The following HABP2 variants were observed in gnomAD, a reference collection of about 807,000 sequenced individuals.
HABP2 encodes factor VII-activating protease.
Under a neutral mutation model 66.5 loss-of-function variants are expected in HABP2, and 65 were observed. The observed-to-expected ratio is 0.98, with a 90% CI of 0.80 to 1.20. The LOEUF (loss-of-function observed/expected upper bound fraction) is 1.20. Ranked by LOEUF, HABP2 falls within the 50% of genes most tolerant of loss-of-function variation. HABP2 has a pLI of 0.00. For synonymous variants in HABP2, 263 were observed against 253.9 expected (o/e 1.04, Z -0.34); for missense variants, 786 against 691.0 (o/e 1.14, Z -1.54).
chr10:113,586,093 T>G (rs1592702700), intron 12 of HABP2, among the ~76,000 whole-genome samples, 155 bp downstream of exon 12: 1 of 152,216 alleles, frequency 6.6e-6, no homozygotes. Context: ...CCTGGCCCTC[T>G]GGTGCATCTG....
chr10:113,580,284 G>C (rs1467617943), intron 7 of HABP2, among the ~76,000 whole-genome samples: 11 of 152,154 alleles, frequency 7.2e-5, no homozygotes, highest in African/African-American at 2.7e-4. Context: ...TTACTCTCCT[G>C]ATATAGAAAG....
Position 113,578,137 on chromosome 10 carries a change from G to T in HABP2, c.560G>T (p.Cys187Phe). Residue 187 changes from cysteine to phenylalanine, a missense_variant, in exon 6 of 13, where the codon TGT (cysteine) becomes TTT (phenylalanine). By Grantham distance (205) the Cys-to-Phe change is radical. Coordinates refer to ENST00000351270, the MANE Select transcript of HABP2 (RefSeq NM_004132.5). The stretch of plus-strand genomic sequence containing the variant: ...CCCGACCAGTTCAAGGGGAAATTCT[G>T]TGAAATAGGTATGGGTCTCTGCCAC... The part of the protein sequence containing the change: ...ACPDQFKGKF[C>F]EIGSDDCYVG... The T allele has an allele frequency of 1.2e-6, 2 of 1,614,166 alleles. No homozygotes were observed. The highest frequency in any genetic ancestry group is 2.2e-5 in the East Asian group (1 of 44,884).
At chr10:113,583,789 A>G (rs533536676) in intron 10 of HABP2, among the ~76,000 whole-genome samples, 94 of 152,318 alleles carry the variant, frequency 6.2e-4, no homozygotes, top group Non-Finnish European at 3.8e-4. Flanking sequence ...TGCAAATGCA[A>G]TGACGTTCCT....
rs1381067373 is a variant in HABP2 at position 113,588,453 on chromosome 10, G to A, written c.*84G>A. The A allele has an allele frequency of 9.8e-6, 10 of 1,018,408 alleles. No individual in the cohort carries two copies. The highest frequency in any genetic ancestry group is 1.6e-5 in the African/African-American group (1 of 62,414). 63.1% of individuals were successfully genotyped at this position (1,018,408 alleles called of 1,614,324 possible). On this transcript the variant is annotated 3_prime_UTR_variant, in exon 13 of 13. Transcript: ENST00000351270. ...TCATGGCCAACAATGGACACCTCCA[G>A]AGCCTCCAGGGGACCACACAGTAGA...
At chr10:113,567,378 A>G in intron 1 of HABP2, 111 bp from the exon 2 acceptor site, 2 of 800,546 alleles carry the variant, frequency 2.5e-6, no homozygotes, top group Non-Finnish European at 4.4e-6. Flanking sequence ...AACCATCAGA[A>G]AGCACGCAGT....
Position 113,581,928 on chromosome 10 carries a change from G to A in HABP2, c.891G>A (p.Gly297=). 1 of 1,614,152 alleles carries A rather than the reference G, an allele frequency of 6.2e-7. No homozygotes were observed. Among genetic ancestry groups the A allele is most frequent in the Non-Finnish European group, 8.5e-7 (1 of 1,179,950 alleles). Residue 297 remains glycine (G), a synonymous_variant, in exon 9 of 13, where the codon GGG becomes GGA. Coordinates refer to ENST00000351270, the MANE Select transcript of HABP2 (RefSeq NM_004132.5). ...SPTEPSTKLP[G]FDSCGKTEIA... The stretch of plus-strand genomic sequence containing the variant: ...CTGAGCCATCAACCAAGCTTCCGGG[G>A]TTTGACTCCTGTGGAAAGACTGAGA...
At chr10:113,563,130 A>T (rs539138837) in intron 1 of HABP2, among the ~76,000 whole-genome samples, 149 of 152,348 alleles carry the variant, frequency 9.8e-4, no homozygotes, top group African/African-American at 3.5e-3. Flanking sequence ...TGTCAGCTCT[A>T]AAGGAATGTG....
intron 6 of HABP2, 82 bp downstream of exon 6, chr10:113,578,227 T>C: frequency 1.3e-6 from 2 of 1,486,376 alleles, no homozygotes; most frequent in African/African-American, 1.4e-5. Flanking sequence ...CAGAATGTGG[T>C]TCAAATCAAG....
At chr10:113,557,597 C>T (rs7076012) in intron 1 of HABP2, among the ~76,000 whole-genome samples, 19 of 152,272 alleles carry the variant, frequency 1.2e-4, no homozygotes, top group East Asian at 7.8e-4. Flanking sequence ...AAATGGTTGG[C>T]GGGGAGGGGG....
intron 5 of HABP2, 45 bp downstream of exon 5, chr10:113,577,311 T>C (rs1845430114): frequency 2.0e-6 from 2 of 997,344 alleles, no homozygotes; most frequent in Non-Finnish European, 3.2e-6. Flanking sequence ...CTGTGCCCTA[T>C]CTTGTACCTG....
chr10:113,588,067 C>A (rs1045812261), intron 12 of HABP2, 138 bp from the exon 13 acceptor site: 2 of 594,836 alleles, frequency 3.4e-6, no homozygotes, highest in Middle Eastern at 4.5e-4. Flanking sequence ...AGAGCCTTGT[C>A]ACTGCTTTCC....
At chr10:113,585,259 T>C (rs1190839473) in intron 11 of HABP2, among the ~76,000 whole-genome samples, 2 of 152,354 alleles carry the variant, frequency 1.3e-5, no homozygotes, top group East Asian at 3.9e-4. Context: ...GTTGGGAATC[T>C]TTTGGAGCCT....
chr10:113,575,845 G>T (rs569671419), intron 3 of HABP2, 52 bp from the exon 4 acceptor site: 3 of 992,518 alleles, frequency 3.0e-6, no homozygotes, highest in African/African-American at 1.6e-5. Flanking sequence ...GGAGGGGGGC[G>T]CTTCTCACCT....
chr10:113,582,847 A>G (rs1327066308), intron 9 of HABP2, among the ~76,000 whole-genome samples: 1 of 152,218 alleles, frequency 6.6e-6, no homozygotes, highest in Non-Finnish European at 1.5e-5. Context: ...TTCACCTTAT[A>G]GTAAATGATT....
chr10:113,564,713 A>G (rs1329381140), intron 1 of HABP2, among the ~76,000 whole-genome samples: 1 of 152,244 alleles, frequency 6.6e-6, no homozygotes, highest in Non-Finnish European at 1.5e-5. Context: ...ATCCAGATAG[A>G]TGCCACAATT....
chr10:113,552,847 G>A (rs2240880), upstream of HABP2, among the ~76,000 whole-genome samples: 18,489 of 152,214 alleles, frequency 0.12, 1,492 homozygotes, highest in Middle Eastern at 0.27. Context: ...GCACCGTGGA[G>A]CCAGGGGGCT....
chr10:113,574,459 G>A (rs978762380), intron 3 of HABP2, 54 bp downstream of exon 3: 1 of 875,332 alleles, frequency 1.1e-6, no homozygotes, highest in Non-Finnish European at 1.9e-6. Context: ...AGAGCGGAGT[G>A]TATGTGGGAC....
At position 113,559,186 on chromosome 10, in the gene HABP2, C is replaced by T. The variant is rs11575630; in HGVS notation, c.69+5996C>T. Among the ~76,000 whole-genome samples the T allele has an allele frequency of 7.4e-3, 1,121 of 152,278 alleles. 12 individuals carry two copies. Among genetic ancestry groups the T allele is most frequent in the Admixed American group, 9.0e-3 (138 of 15,302 alleles). The stretch of plus-strand genomic sequence containing the variant: ...TGCCTTTTAAAAGGGCTTCCAAGAG[C>T]ATTATCATATGCAGAATTTTTACCC... On this transcript the variant is annotated intron_variant, in intron 1 of 12. Coordinates refer to ENST00000351270, the MANE Select transcript of HABP2 (RefSeq NM_004132.5).
chr10:113,585,820 C>T lies in HABP2; in HGVS notation c.1400C>T (p.Ala467Val), dbSNP rs780441942. ...TGKGSRQLLD[A>V]KVKLIANTLC... ...AAAGGGTCCCGCCAGCTCCTGGATG[C>T]CAAAGTCAAGCTGATTGCCAACACT... The change falls in exon 12 of 13, where the codon GCC becomes GTC. Residue 467 changes from alanine to valine, a missense_variant. Transcript: ENST00000351270. 2 of 1,613,610 alleles carry T rather than the reference C, an allele frequency of 1.2e-6. No individual in the cohort carries two copies. The highest frequency in any genetic ancestry group is 2.2e-5 in the South Asian group (2 of 91,068).
Sources: allele counts gnomAD v4.1 joint callset (sites outside exome capture counted in the v4.1 genomes callset), GRCh38; gene constraint gnomAD v4.1.1; transcripts MANE v1.5; gene names NCBI Gene and HGNC (gene_info 2026-07-23, HGNC 2026-07-21).